DIP2C: variants seen among roughly 807,000 people sequenced by gnomAD.
The protein encoded by DIP2C is DIP2 acetate--CoA ligase C (putative).
Under a neutral mutation model 192.4 loss-of-function variants are expected in DIP2C, and 33 were observed. The ratio of observed to expected loss-of-function variants is 0.17; its 90% confidence interval spans 0.13 to 0.23. DIP2C has a LOEUF of 0.23. Among genes scored for constraint, DIP2C ranks in the 10% least tolerant of loss-of-function variants. The pLI, the probability that DIP2C is intolerant of heterozygous loss-of-function variation, is 1.00. For synonymous variants in DIP2C, 979 were observed against 864.1 expected (o/e 1.13, Z -2.33); for missense variants, 1,537 against 2,110.1 (o/e 0.73, Z 5.32).
chr10:435,148 C>T (rs895419285), intron 4 of DIP2C, among the ~76,000 whole-genome samples: 1 of 152,174 alleles, frequency 6.6e-6, no homozygotes, highest in Non-Finnish European at 1.5e-5. Context: ...TCCCATAGTG[C>T]TTGGATACTC....
At chr10:348,533 C>T (rs939123475) in intron 26 of DIP2C, 108 bp downstream of exon 26, 27 of 1,522,638 alleles carry the variant, frequency 1.8e-5, no homozygotes, top group East Asian at 4.6e-5. Flanking sequence ...AGACACACCC[C>T]GGCTTCCACA....
chr10:592,878 A>C (rs1306098042), intron 1 of DIP2C, among the ~76,000 whole-genome samples: 2 of 151,552 alleles, frequency 1.3e-5, no homozygotes, highest in Non-Finnish European at 2.9e-5. Context: ...TGACACTGCA[A>C]GGCTCAAACC....
intron 17 of DIP2C, among the ~76,000 whole-genome samples, chr10:377,574 T>C (rs1295804159): frequency 3.3e-5 from 5 of 152,236 alleles, no homozygotes; most frequent in Non-Finnish European, 5.9e-5. Flanking sequence ...TCTTGCGTTC[T>C]CTTACATGCG....
intron 1 of DIP2C, chr10:664,947 G>A (rs1266600801): frequency 1.3e-5 from 2 of 152,166 alleles, no homozygotes; most frequent in South Asian, 2.1e-4. Context: ...CCTTTATAAC[G>A]ATGTTTTAAT....
intron 29 of DIP2C, among the ~76,000 whole-genome samples, chr10:339,033 C>T (rs1295428164): frequency 2.6e-5 from 4 of 152,054 alleles, no homozygotes; most frequent in Non-Finnish European, 5.9e-5. Flanking sequence ...GCACCCTGCG[C>T]GGCTGCCCCC....
At chr10:408,179 C>A (rs1417702474) in intron 9 of DIP2C, among the ~76,000 whole-genome samples, 1 of 152,122 alleles carries the variant, frequency 6.6e-6, no homozygotes, top group Admixed American at 6.5e-5. Context: ...CCAGTTTTCC[C>A]AGCACTGTGT....
At chr10:323,935 G>GT (rs144547453) in intron 31 of DIP2C, among the ~76,000 whole-genome samples, 8 of 152,022 alleles carry the variant, frequency 5.3e-5, no homozygotes, top group Non-Finnish European at 7.4e-5. Flanking sequence ...TCACCATCAG[G>GT]TTTTTTTAAT....
intron 10 of DIP2C, among the ~76,000 whole-genome samples, chr10:397,089 C>A (rs539609045): frequency 6.6e-6 from 1 of 152,214 alleles, no homozygotes; most frequent in Middle Eastern, 3.2e-3. Context: ...GAGATACCCA[C>A]GTGGCAGATG....
Position 298,929 on chromosome 10 carries a change from C to T in DIP2C, c.3987-10508G>A, listed in dbSNP as rs888658898. On this transcript the variant is annotated intron_variant, in intron 32 of 36. Coordinates refer to ENST00000280886, the MANE Select transcript of DIP2C (RefSeq NM_014974.3). ...AGTGTGACTAATGTGGATCAACTTT[C>T]CCTTTTTGAGTAAGACTAGAAAGAC... Among the ~76,000 whole-genome samples the T allele has an allele frequency of 1.3e-4, 20 of 152,200 alleles. 1 individual carries two copies. Among genetic ancestry groups the T allele is most frequent in the African/African-American group, 4.8e-4 (20 of 41,452 alleles).
intron 22 of DIP2C, 24 bp downstream of exon 22, chr10:362,466 A>G (rs749151054): frequency 3.1e-6 from 5 of 1,610,510 alleles, no homozygotes; most frequent in Non-Finnish European, 4.2e-6. Context: ...CGCACCTCAC[A>G]AGCTGCCCAA....
rs555093484 is a variant in DIP2C at position 493,742 on chromosome 10, A to C, written c.86-7212T>G. The stretch of plus-strand genomic sequence containing the variant: ...GAGAAAGGATGGAGGCCGATTATCC[A>C]CCTACAAAGTCGGGGTCTTACTGCC... On this transcript the variant is annotated intron_variant, in intron 1 of 36. Coordinates refer to ENST00000280886, the MANE Select transcript of DIP2C (RefSeq NM_014974.3). 5.9e-5 allele frequency among the ~76,000 whole-genome samples: 9 copies of C among 152,322 alleles called. 1 individual carries two copies. The highest frequency in any genetic ancestry group is 4.4e-5 in the Non-Finnish European group (3 of 68,020).
At chr10:399,310 C>A in intron 9 of DIP2C, 91 bp from the exon 10 acceptor site, 1 of 928,298 alleles carries the variant, frequency 1.1e-6, no homozygotes. Context: ...TGAGAGGGCA[C>A]GCTTCAGTGA....
chr10:483,784 GTAA>G (rs1843795722), intron 2 of DIP2C, among the ~76,000 whole-genome samples: 1 of 152,120 alleles, frequency 6.6e-6, no homozygotes, highest in South Asian at 2.1e-4. Context: ...GTGGCCAACT[GTAA>G]TAATAAAGTT....
intron 1 of DIP2C, among the ~76,000 whole-genome samples, chr10:531,978 G>A (rs1002421798): frequency 6.6e-6 from 1 of 152,154 alleles, no homozygotes; most frequent in Non-Finnish European, 1.5e-5. Flanking sequence ...AGAACACAGG[G>A]TACCAACCGG....
chr10:422,759 G>C (rs1966284834), intron 5 of DIP2C, 65 bp downstream of exon 5: 3 of 1,531,068 alleles, frequency 2.0e-6, no homozygotes, highest in East Asian at 2.3e-5. Context: ...GATGCAAACA[G>C]AGAATGTGCA....
intron 29 of DIP2C, among the ~76,000 whole-genome samples, chr10:331,076 A>G (rs1161522996): frequency 6.6e-6 from 1 of 150,856 alleles, no homozygotes. Flanking sequence ...TTAGCCTCCC[A>G]AAGTGCTAGG....
Position 602,274 on chromosome 10 carries a change from A to C in DIP2C, c.85+87220T>G, listed in dbSNP as rs553793968. On this transcript the variant is annotated intron_variant, in intron 1 of 36. Coordinates refer to ENST00000280886, the MANE Select transcript of DIP2C (RefSeq NM_014974.3). ...AGAGGGTCTCCGCTTCTTGCACCGA[A>C]CCCCAACTTGCACAGGCACCTGTGT... Among the ~76,000 whole-genome samples the C allele has an allele frequency of 8.1e-4, 123 of 152,038 alleles. 1 individual carries two copies. The highest frequency in any genetic ancestry group is 2.8e-3 in the African/African-American group (117 of 41,416).
At chr10:306,554 T>A (rs776279446) in intron 32 of DIP2C, among the ~76,000 whole-genome samples, 10 of 152,212 alleles carry the variant, frequency 6.6e-5, no homozygotes, top group Admixed American at 3.9e-4. Flanking sequence ...CAGTAATTAA[T>A]CCTGTGACAG....
At chr10:445,622 CGAAG>C (rs1968118075) in intron 3 of DIP2C, among the ~76,000 whole-genome samples, 1 of 133,120 alleles carries the variant, frequency 7.5e-6, no homozygotes, top group African/African-American at 2.6e-5. Flanking sequence ...ACAACTGTTG[CGAAG>C]AGTCTATCTT....
Sources: allele counts gnomAD v4.1 joint callset (sites outside exome capture counted in the v4.1 genomes callset), GRCh38; gene constraint gnomAD v4.1.1; transcripts MANE v1.5; gene names NCBI Gene and HGNC (gene_info 2026-07-23, HGNC 2026-07-21).